Variants in IGF2BP1 observed in about 807,000 individuals in gnomAD.
IGF2BP1 encodes insulin-like growth factor 2 mRNA-binding protein 1.
A neutral mutation model predicts 74.9 loss-of-function variants in IGF2BP1; 11 were observed. The observed-to-expected ratio is 0.15, with a 90% CI of 0.09 to 0.24. The LOEUF is 0.24. Among genes scored for constraint, IGF2BP1 ranks in the 10% least tolerant of loss-of-function variants. The pLI is 1.00. For missense variants in IGF2BP1, 440 were observed against 757.4 expected (o/e 0.58, Z 4.92); for synonymous variants, 287 against 281.8 (o/e 1.02, Z -0.18).
At chr17:49,011,616 G>A (rs1284614572) in intron 2 of IGF2BP1, among the ~76,000 whole-genome samples, 1 of 151,838 alleles carries the variant, frequency 6.6e-6, no homozygotes, top group African/African-American at 2.4e-5. Flanking sequence ...GTGAGCTCAC[G>A]TGTTTCACAT....
chr17:49,022,145 G>A (rs2144033869), intron 2 of IGF2BP1, among the ~76,000 whole-genome samples: 2 of 152,276 alleles, frequency 1.3e-5, no homozygotes, highest in South Asian at 4.1e-4. Flanking sequence ...GAGTGAAGAA[G>A]TAACCAGTTA....
At chr17:48,997,293 C>G (rs942616651), upstream of IGF2BP1, 4 of 151,874 alleles carry the variant, frequency 2.6e-5, no homozygotes, top group African/African-American at 9.8e-5. This position sits in a 1 kb window ranked among gnomAD's most constrained non-coding sequence, Gnocchi z 4.8. Flanking sequence ...GCCGGAGGGC[C>G]GAGGGGCCCT....
chr17:49,009,940 C>T (rs1192633027), intron 2 of IGF2BP1, among the ~76,000 whole-genome samples: 4 of 151,718 alleles, frequency 2.6e-5, no homozygotes, highest in Non-Finnish European at 5.9e-5. Flanking sequence ...ATTAGTCGGG[C>T]GTGGTGGCGT....
In IGF2BP1 at chr17:48,997,489, A is replaced by G; in HGVS notation, c.-257A>G. On this transcript the variant is annotated 5_prime_UTR_variant, in exon 1 of 15. Coordinates refer to ENST00000290341, the MANE Select transcript of IGF2BP1 (RefSeq NM_006546.4). This position sits in a 1 kb window ranked among gnomAD's most constrained non-coding sequence, Gnocchi z 4.8. ...TCGGAGGGGTTTCGGACCGAAGGGA[A>G]GAAGCTGCGCCGTGTCGTCCGTCTC... 4.7e-6 allele frequency: 2 copies of G among 426,854 alleles called. No homozygotes were observed. Among genetic ancestry groups the G allele is most frequent in the Non-Finnish European group, 4.2e-6 (1 of 240,954 alleles). The allele number at this position is 426,854 out of a possible 1,614,324, so 26.4% of individuals were successfully genotyped here. A position where few individuals can be genotyped will look rare whatever the true frequency, so the allele number is the denominator to read the frequency against.
intron 5 of IGF2BP1, among the ~76,000 whole-genome samples, chr17:49,034,350 G>A (rs549386502): frequency 1.7e-4 from 26 of 151,260 alleles, no homozygotes; most frequent in Middle Eastern, 7.0e-3. Context: ...AACTCCTGAC[G>A]TCAGGCGATC....
intron 4 of IGF2BP1, among the ~76,000 whole-genome samples, chr17:49,030,061 C>A (rs2041904933): frequency 6.6e-6 from 1 of 151,994 alleles, no homozygotes; most frequent in Admixed American, 6.6e-5. Context: ...GACAGGAAAT[C>A]CTTTCCCCTG....
At position 49,055,168 on chromosome 17, in the gene IGF2BP1, A is replaced by AAT. The variant is rs1555603823; in HGVS notation, c.*5724_*5725insAT. On this transcript the variant is annotated 3_prime_UTR_variant, in exon 15 of 15. Transcript: ENST00000290341. Reference sequence around the variant, plus strand: ...AAAAAAAAAAAAACCAAAAAAAAAAATTTTTTTTTAAAAGGGAGACATTTT... The same window carrying AAT: ...AAAAAAAAAAAAACCAAAAAAAAAAAATTTTTTTTTTAAAAGGGAGACATTTT... The AAT allele has an allele frequency of 1.6e-3, 234 of 149,028 alleles. 1 individual carries two copies. The highest frequency in any genetic ancestry group is 1.5e-3 in the Non-Finnish European group (103 of 66,970). The allele number at this position is 149,028 out of a possible 1,614,324, so 9.2% of individuals were successfully genotyped here.
intron 2 of IGF2BP1, 33 bp downstream of exon 2, chr17:48,999,202 GGGC>G: frequency 3.5e-6 from 2 of 573,916 alleles, no homozygotes; most frequent in Non-Finnish European, 6.3e-6. Context: ...GGGGGTGGGG[GGGC>G]CGCGGGGGTG....
intron 2 of IGF2BP1, among the ~76,000 whole-genome samples, chr17:49,015,583 T>G (rs917124245): frequency 6.6e-6 from 1 of 152,230 alleles, no homozygotes; most frequent in African/African-American, 2.4e-5. Flanking sequence ...GTCCCCGTAC[T>G]GTAGGTTTGT....
intron 2 of IGF2BP1, among the ~76,000 whole-genome samples, chr17:49,008,198 T>C (rs1598124684): frequency 6.6e-6 from 1 of 150,784 alleles, no homozygotes; most frequent in Non-Finnish European, 1.5e-5. Flanking sequence ...AGTAAATAAA[T>C]TGAAGGGCAA....
chr17:49,034,717 A>G (rs948508058), intron 5 of IGF2BP1, among the ~76,000 whole-genome samples: 1 of 150,848 alleles, frequency 6.6e-6, no homozygotes, highest in Non-Finnish European at 1.5e-5. Flanking sequence ...GGCCTGGGTA[A>G]CAGAGTAAGA....
upstream of IGF2BP1, among the ~76,000 whole-genome samples, chr17:48,997,064 C>A (rs2041411756): frequency 6.6e-6 from 1 of 151,740 alleles, no homozygotes; most frequent in Non-Finnish European, 1.5e-5. This position sits in a 1 kb window ranked among gnomAD's most constrained non-coding sequence, Gnocchi z 4.8. Context: ...AATAACCGTA[C>A]ATTTTACCCT....
chr17:49,014,194 G>A (rs1425526635), intron 2 of IGF2BP1, among the ~76,000 whole-genome samples: 2 of 151,110 alleles, frequency 1.3e-5, no homozygotes, highest in African/African-American at 2.4e-5. Flanking sequence ...CCCGTTAGTG[G>A]TTCTCCCCGC....
intron 2 of IGF2BP1, among the ~76,000 whole-genome samples, chr17:49,021,321 C>A (rs1193555134): frequency 6.6e-6 from 1 of 152,130 alleles, no homozygotes; most frequent in Non-Finnish European, 1.5e-5. Flanking sequence ...CTTCCTGAAT[C>A]TCTTACTTCC....
chr17:49,044,929 A>G, intron 11 of IGF2BP1, 62 bp from the exon 12 acceptor site: 1 of 1,379,320 alleles, frequency 7.2e-7, no homozygotes, highest in Non-Finnish European at 1.0e-6. Flanking sequence ...AACTGGATGA[A>G]GTGGACATGG....
At position 49,046,283 on chromosome 17, in the gene IGF2BP1, G is replaced by A. The variant is rs779956906; in HGVS notation, c.1551G>A (p.Thr517=). ...AGGTGAACGAGTTGCAGAATTTGAC[G>A]GCAGCTGAGGTGGTAGTACCAAGAG... is the stretch of plus-strand genomic sequence containing the variant. ...GKTVNELQNL[T]AAEVVVPRDQ... is the part of the protein sequence containing the mutation. Residue 517 remains threonine, a synonymous_variant, in exon 14 of 15, where the codon ACG becomes ACA. Coordinates refer to ENST00000290341, the MANE Select transcript of IGF2BP1 (RefSeq NM_006546.4). The A allele has an allele frequency of 4.5e-5, 72 of 1,613,932 alleles. No individual in the cohort carries two copies. The highest frequency in any genetic ancestry group is 3.3e-4 in the Middle Eastern group (2 of 6,084).
At chr17:49,014,845 TGCC>T in intron 2 of IGF2BP1, 1 of 985,346 alleles carries the variant, frequency 1.0e-6, no homozygotes, top group Non-Finnish European at 1.2e-6. Flanking sequence ...GGTGGGAAGC[TGCC>T]GAAGACAGAT....
At chr17:49,027,424 T>C (rs954648736) in intron 4 of IGF2BP1, among the ~76,000 whole-genome samples, 1 of 152,200 alleles carries the variant, frequency 6.6e-6, no homozygotes, top group African/African-American at 2.4e-5. Context: ...CTCTGATTGG[T>C]AGCAATATAT....
chr17:49,009,664 G>A (rs1369924680), intron 2 of IGF2BP1, among the ~76,000 whole-genome samples: 5 of 151,778 alleles, frequency 3.3e-5, no homozygotes, highest in Non-Finnish European at 7.4e-5. Context: ...AGCTGAGATC[G>A]TCCCATTGCA....
Sources: allele counts gnomAD v4.1 joint callset (sites outside exome capture counted in the v4.1 genomes callset), GRCh38; gene constraint gnomAD v4.1.1; non-coding constraint Gnocchi (gnomAD v3.1); transcripts MANE v1.5; gene names NCBI Gene and HGNC (gene_info 2026-07-23, HGNC 2026-07-21).